Variants in CAMK2D observed in about 807,000 individuals in gnomAD.
The protein encoded by CAMK2D is calcium/calmodulin dependent protein kinase II delta, also known as calcium/calmodulin-dependent protein kinase type II subunit delta.
CAMK2D carries 37 observed loss-of-function variants against 84.0 expected under a neutral mutation model. The observed-to-expected ratio is 0.44, with a 90% CI of 0.34 to 0.58. CAMK2D has a LOEUF of 0.58. Ranked by LOEUF, CAMK2D falls within the 20% of genes least tolerant of loss-of-function variation. CAMK2D has a pLI of 0.02. For synonymous variants in CAMK2D, 202 were observed against 212.5 expected (o/e 0.95, Z 0.43); for missense variants, 448 against 652.5 (o/e 0.69, Z 3.41).
At chr4:113,754,690 T>TA (rs2099624436) in intron 2 of CAMK2D, 2 of 978,028 alleles carry the variant, frequency 2.0e-6, no homozygotes, top group African/African-American at 3.5e-5. Context: ...ACTTTTTTTT[T>TA]TTATTATTTG....
rs1006310473 is a variant in CAMK2D, at chr4:113,603,404, G to A, written c.275+5748C>T. On this transcript the variant is annotated intron_variant, in intron 4 of 20. Coordinates refer to ENST00000511664, the MANE Select transcript of CAMK2D (RefSeq NM_001321571.2). ...CCCACAACAGTCCCCAGAGTGTGAT[G>A]TTCCCCTTCCTGATGAGTTCATGTC... Among the ~76,000 whole-genome samples, 6 of 119,636 alleles carry A rather than the reference G, an allele frequency of 5.0e-5. No individual in the cohort carries two copies. The Admixed American group carries it at 6.8e-4, about 14-fold the overall frequency. 78.5% of individuals were successfully genotyped at this position (119,636 alleles called of 152,430 possible). A position where few individuals can be genotyped will look rare whatever the true frequency, so the allele number is the denominator to read the frequency against.
In CAMK2D at chr4:113,479,232, T is replaced by C. The variant is rs79220030; in HGVS notation, c.1136-13628A>G. Among the ~76,000 whole-genome samples, 25 of 152,356 alleles carry C rather than the reference T, an allele frequency of 1.6e-4. No homozygotes were observed. The East Asian group carries it at 4.8e-3, about 29-fold the overall frequency. ...TGAGAAGTGTTTAAGTAATTTTGCA[T>C]AGATATGCTCCTTTTTAAATTCACA... On this transcript the variant is annotated intron_variant, in intron 16 of 20. Coordinates refer to ENST00000511664, the MANE Select transcript of CAMK2D (RefSeq NM_001321571.2).
chr4:113,654,201 T>C (rs1411920305), intron 3 of CAMK2D, among the ~76,000 whole-genome samples: 1 of 151,990 alleles, frequency 6.6e-6, no homozygotes, highest in African/African-American at 2.4e-5. Flanking sequence ...AGAATCTAGG[T>C]TGGTCTTAGG....
chr4:113,621,023 T>A (rs1331218781), intron 3 of CAMK2D, among the ~76,000 whole-genome samples: 8 of 152,126 alleles, frequency 5.3e-5, no homozygotes, highest in Admixed American at 5.2e-4. Flanking sequence ...CTCCAACTCC[T>A]GGGCTCAAGT....
intron 16 of CAMK2D, among the ~76,000 whole-genome samples, chr4:113,488,218 A>G (rs1006640341): frequency 6.6e-6 from 1 of 152,184 alleles, no homozygotes; most frequent in African/African-American, 2.4e-5. Flanking sequence ...CAAAAATGAG[A>G]AAGTTTTATA....
At chr4:113,701,078 GT>G (rs1171478889) in intron 2 of CAMK2D, among the ~76,000 whole-genome samples, 1 of 152,104 alleles carries the variant, frequency 6.6e-6, no homozygotes, top group African/African-American at 2.4e-5. Flanking sequence ...TTCTTTAACA[GT>G]TTCTGTTCCC....
In CAMK2D at chr4:113,717,589, C is replaced by T. The variant is rs527981399; in HGVS notation, c.160+41731G>A. On this transcript the variant is annotated intron_variant, in intron 2 of 20. Coordinates refer to ENST00000511664, the MANE Select transcript of CAMK2D (RefSeq NM_001321571.2). Reference sequence around the variant, plus strand: ...CCAAAAGTGAGTGTTAAGGTAAAGGCAAATACCTTTTTGTGAATACCACTT... The same window carrying T: ...CCAAAAGTGAGTGTTAAGGTAAAGGTAAATACCTTTTTGTGAATACCACTT... Among the ~76,000 whole-genome samples, 10 of 151,960 alleles carry T rather than the reference C, an allele frequency of 6.6e-5. No homozygotes were observed. The South Asian group carries it at 2.1e-3, about 32-fold the overall frequency.
At chr4:113,608,286 A>G (rs2098986193) in intron 4 of CAMK2D, among the ~76,000 whole-genome samples, 2 of 152,188 alleles carry the variant, frequency 1.3e-5, no homozygotes, top group Non-Finnish European at 2.9e-5. Flanking sequence ...CTTCAAACTC[A>G]TATCATGTGA....
intron 2 of CAMK2D, among the ~76,000 whole-genome samples, chr4:113,750,021 G>A (rs1208071633): frequency 6.6e-6 from 1 of 152,188 alleles, no homozygotes; most frequent in Non-Finnish European, 1.5e-5. Context: ...ACATTTACAA[G>A]TATCTGCAAT....
chr4:113,500,415 A>G (rs1224767044), intron 16 of CAMK2D, 48 bp downstream of exon 16: 1 of 1,158,106 alleles, frequency 8.6e-7, no homozygotes, highest in East Asian at 2.4e-5. Flanking sequence ...TTTCATATAT[A>G]TATGTGAAGC....
In CAMK2D at chr4:113,515,089, G is replaced by T. The variant is rs369679944; in HGVS notation, c.799C>A (p.Leu267Met). The T allele has an allele frequency of 6.2e-6, 10 of 1,613,492 alleles. No homozygotes were observed. The highest frequency in any genetic ancestry group is 7.6e-6 in the Non-Finnish European group (9 of 1,179,630). The change falls in exon 10 of 21, where the codon CTG becomes ATG. Residue 267 changes from leucine to methionine, a missense_variant. Around this residue, in one of 7 missense-constraint regions of CAMK2D, gnomAD observed 69 missense variants for 175.6 expected, o/e 0.39. Coordinates refer to ENST00000511664, the MANE Select transcript of CAMK2D (RefSeq NM_001321571.2). ...PAKRITASEALKHPWICQRST... is the reference protein window; with the variant it reads ...PAKRITASEAMKHPWICQRST... ...CTTACACAGATCCATGGGTGCTTCA[G>T]TGCCTCTGAGGCTGTGATGCGTTTG...
intron 15 of CAMK2D, among the ~76,000 whole-genome samples, chr4:113,502,566 T>C (rs1373954824): frequency 6.8e-6 from 1 of 146,996 alleles, no homozygotes; most frequent in Admixed American, 6.8e-5. Context: ...TTGAAGACAA[T>C]GGAATATTGC....
chr4:113,509,396 T>G (rs931228608), intron 13 of CAMK2D, among the ~76,000 whole-genome samples: 13 of 152,350 alleles, frequency 8.5e-5, no homozygotes, highest in African/African-American at 3.1e-4. Context: ...GAACTCTATA[T>G]TGTATAACAA....
intron 16 of CAMK2D, among the ~76,000 whole-genome samples, chr4:113,489,886 T>C (rs71604974): frequency 0.16 from 22,309 of 140,952 alleles, 2,216 homozygotes; most frequent in East Asian, 0.36. Flanking sequence ...ATTTCTCTGA[T>C]GGCCAGTGAT....
chr4:113,668,041 G>A (rs1276169615), intron 2 of CAMK2D, among the ~76,000 whole-genome samples: 1 of 152,008 alleles, frequency 6.6e-6, no homozygotes, highest in Non-Finnish European at 1.5e-5. Context: ...TGTAGATTAT[G>A]AATTATGATG....
intron 2 of CAMK2D, among the ~76,000 whole-genome samples, chr4:113,700,291 TA>T (rs1327618966): frequency 6.6e-6 from 1 of 152,196 alleles, no homozygotes; most frequent in African/African-American, 2.4e-5. Flanking sequence ...AAGTATATTC[TA>T]CCAATTCATA....
At chr4:113,599,167 G>A (rs2098940845) in intron 4 of CAMK2D, among the ~76,000 whole-genome samples, 1 of 152,152 alleles carries the variant, frequency 6.6e-6, no homozygotes, top group Admixed American at 6.5e-5. Context: ...ACCAAATGCT[G>A]GTGAGAATTC....
At chr4:113,524,309 G>A (rs1052999951) in intron 8 of CAMK2D, among the ~76,000 whole-genome samples, 2 of 152,076 alleles carry the variant, frequency 1.3e-5, no homozygotes, top group African/African-American at 4.8e-5. Flanking sequence ...TTTCTCTCTA[G>A]TTCTTGGTAA....
chr4:113,469,252 C>A (rs2097517173), intron 16 of CAMK2D, among the ~76,000 whole-genome samples: 2 of 152,240 alleles, frequency 1.3e-5, no homozygotes, highest in Non-Finnish European at 2.9e-5. Flanking sequence ...GTTACTATAA[C>A]AATACTCAGG....
Sources: allele counts gnomAD v4.1 joint callset (sites outside exome capture counted in the v4.1 genomes callset), GRCh38; gene constraint gnomAD v4.1.1; regional missense constraint gnomAD v4.1.1; transcripts MANE v1.5; gene names NCBI Gene and HGNC (gene_info 2026-07-23, HGNC 2026-07-21).